RECQL4: variants seen among roughly 807,000 people sequenced by gnomAD.
RECQL4 encodes RecQ like helicase 4.
Under a neutral mutation model 128.6 loss-of-function variants are expected in RECQL4, and 158 were observed. The ratio of observed to expected loss-of-function variants is 1.23; its 90% CI spans 1.08 to 1.40. RECQL4 has a LOEUF of 1.40. Ranked by LOEUF, RECQL4 falls within the 40% of genes most tolerant of loss-of-function variation. The probability of loss-of-function intolerance (pLI) is 0.00; values close to 1 mark genes in which losing one functional copy is unlikely to be tolerated. For synonymous variants in RECQL4, 996 were observed against 678.9 expected (o/e 1.47, Z -7.26); for missense variants, 2,293 against 1,649.8 (o/e 1.39, Z -6.75).
Position 144,511,548 on chromosome 8 carries a change from G to A in RECQL4, c.3510C>T (p.Pro1170=), listed in dbSNP as rs1005731353. 6.2e-7 allele frequency: 1 copy of A among 1,612,226 alleles called. No homozygotes were observed. The highest frequency in any genetic ancestry group is 1.3e-5 in the African/African-American group (1 of 75,048). The change falls in exon 21 of 21, where the codon CCC becomes CCT. Residue 1170 remains proline, a synonymous_variant. Transcript: ENST00000617875. ...VARIFHGIGS[P]CYPAQVYGQD... Reference sequence around the variant, plus strand: ...GCCCGTACACCTGGGCCGGGTAGCAGGGGCTTCCTACGGTGGAGCCAAGAC... The same window carrying A: ...GCCCGTACACCTGGGCCGGGTAGCAAGGGCTTCCTACGGTGGAGCCAAGAC...
rs955049317 is a variant in RECQL4, at chr8:144,511,444, T to C, written c.3614A>G (p.Gln1205Arg). The change falls in exon 21 of 21, where the codon CAG becomes CGG. Residue 1205 changes from glutamine (Q) to arginine (R), a missense_variant. Coordinates refer to ENST00000617875, the MANE Select transcript of RECQL4 (RefSeq NM_004260.4). ...AATGCAGTGCAGTCAGCGGGCCACC[T>C]GCAGGAGCTCTTCCGTGGCCAGGCC... ...LVGLATEELL[Q>R]VAR is the part of the protein sequence containing the mutation. 1.2e-6 allele frequency: 2 copies of C among 1,612,448 alleles called. No individual in the cohort carries two copies. Among genetic ancestry groups the C allele is most frequent in the South Asian group, 1.1e-5 (1 of 91,084 alleles).
In RECQL4 at chr8:144,516,424, GCACCAGGACCAAGGACAGCCGACT is replaced by G. The variant is rs1423848473; in HGVS notation, c.671_694del (p.Glu224_Gly231del). ...TGAAGCCTCTGGGCCCTGGGAGCCA[GCACCAGGACCAAGGACAGCCGACT>G]CACCAGGGATCAGAAGTTGTGATTC... is the stretch of plus-strand genomic sequence containing the variant. On this transcript the variant is annotated inframe_deletion, in exon 5 of 21. Coordinates refer to ENST00000617875, the MANE Select transcript of RECQL4 (RefSeq NM_004260.4). 1 of 1,609,048 alleles carries G rather than the reference GCACCAGGACCAAGGACAGCCGACT, an allele frequency of 6.2e-7. No homozygotes were observed. The highest frequency in any genetic ancestry group is 1.7e-5 in the Admixed American group (1 of 59,942).
chr8:144,513,105 G>A lies in RECQL4; in HGVS notation c.2497C>T (p.His833Tyr), dbSNP rs2130673512. The change falls in exon 15 of 21, where the codon CAC becomes TAC. Residue 833 changes from histidine to tyrosine, a missense_variant. Physicochemically the swap from His to Tyr is moderately conservative, Grantham distance 83. Coordinates refer to ENST00000617875, the MANE Select transcript of RECQL4 (RefSeq NM_004260.4). The part of the protein sequence containing the change: ...EDLRELRRHV[H>Y]ADSTDFLAVK... ...GCCAGGAAGTCCGTGCTGTCGGCGT[G>A]CACATGTCTGCGCAGCTCTCGCAGG... The A allele has an allele frequency of 1.3e-6, 2 of 1,571,220 alleles. No individual in the cohort carries two copies. The highest frequency in any genetic ancestry group is 1.7e-6 in the Non-Finnish European group (2 of 1,156,666).
Position 144,514,282 on chromosome 8 carries a change from C to T in RECQL4, c.1785G>A (p.Gln595=), listed in dbSNP as rs1322763528. ...VGAGGLPPAA[Q]LPPVAFACID... ...TGCAGGCAAAAGCAACTGGAGGCAG[C>T]TGTGCGGCTGGAGGGAGGCCTCCCG... Residue 595 remains glutamine (Q), a synonymous_variant, in exon 11 of 21, where the codon CAG becomes CAA. Coordinates refer to ENST00000617875, the MANE Select transcript of RECQL4 (RefSeq NM_004260.4). 6.2e-7 allele frequency: 1 copy of T among 1,611,756 alleles called. No homozygotes were observed. Among genetic ancestry groups the T allele is most frequent in the Non-Finnish European group, 8.5e-7 (1 of 1,179,546 alleles).
In RECQL4 at chr8:144,515,768, C is replaced by A; in HGVS notation, c.1254G>T (p.Arg418=). The A allele has an allele frequency of 2.5e-6, 4 of 1,612,206 alleles. No homozygotes were observed. Among genetic ancestry groups the A allele is most frequent in the South Asian group, 2.2e-5 (2 of 90,930 alleles). Reference sequence around the variant, plus strand: ...CCTCCAGGGCAGATGTCTCACCTGGCCGGGGACACTGGGCTGCCCAGTGAT... The same window carrying A: ...CCTCCAGGGCAGATGTCTCACCTGGACGGGGACACTGGGCTGCCCAGTGAT... The part of the protein sequence containing the change: ...QFDHWAAQCP[R]PASEEDTDAV... The change falls in exon 6 of 21, where the codon CGG becomes CGT. Residue 418 remains arginine, a synonymous_variant. Coordinates refer to ENST00000617875, the MANE Select transcript of RECQL4 (RefSeq NM_004260.4).
chr8:144,516,811 CTACTGTA>C (rs1170445903), intron 4 of RECQL4, 47 bp from the exon 5 acceptor site: 1 of 1,494,302 alleles, frequency 6.7e-7, no homozygotes, highest in Non-Finnish European at 8.9e-7. Context: ...GGCCCCTGAG[CTACTGTA>C]GACTCTAAAA....
In RECQL4 at chr8:144,512,309, G is replaced by A. The variant is rs1459879131; in HGVS notation, c.3071C>T (p.Thr1024Ile). ...CTCACTGAACTCCACAAGCACCCCT[G>A]TCCCACGCCGCACACCTGCCGGAAA... ...HEPRTGVRRGTGVLVEFSELA... is the reference protein window; with the variant it reads ...HEPRTGVRRGIGVLVEFSELA... The change falls in exon 18 of 21, where the codon ACA (threonine) becomes ATA (isoleucine). Residue 1024 changes from threonine to isoleucine, a missense_variant. By Grantham distance (89) the Thr-to-Ile change is moderately conservative. Coordinates refer to ENST00000617875, the MANE Select transcript of RECQL4 (RefSeq NM_004260.4). The A allele has an allele frequency of 1.9e-6, 3 of 1,612,420 alleles. No individual in the cohort carries two copies. The highest frequency in any genetic ancestry group is 2.5e-6 in the Non-Finnish European group (3 of 1,179,772).
rs1043628799 is a variant in RECQL4 at position 144,511,708 on chromosome 8, C to T, written c.3475G>A (p.Ala1159Thr). ...ATGCCGTGGAAGATGCGGGCCACAG[C>T]CCTGCTGGAGAACTTCTCCTCTGGC... Reference protein sequence around the residue: ...LRPEEKFSSRAVARIFHGIGS... With the variant: ...LRPEEKFSSRTVARIFHGIGS... Residue 1159 changes from alanine (A) to threonine (T), a missense_variant, in exon 20 of 21, where the codon GCT (alanine) becomes ACT (threonine). Physicochemically the swap from Ala to Thr is moderately conservative, Grantham distance 58. Transcript: ENST00000617875. 6.2e-7 allele frequency: 1 copy of T among 1,612,542 alleles called. No individual in the cohort carries two copies. Among genetic ancestry groups the T allele is most frequent in the South Asian group, 1.1e-5 (1 of 91,088 alleles).
intron 19 of RECQL4, 44 bp from the exon 20 acceptor site, chr8:144,511,833 A>G: frequency 6.2e-7 from 1 of 1,610,370 alleles, no homozygotes; most frequent in Non-Finnish European, 8.5e-7. Context: ...CTCCCGTGGC[A>G]CTGCATCCAC....
rs34914400 is a variant in RECQL4, at chr8:144,511,703, C to T, written c.3480G>A (p.Val1160=). The T allele has an allele frequency of 2.8e-3, 4,568 of 1,612,562 alleles. 110 individuals are homozygous for T. In the African/African-American group the frequency reaches 0.052, roughly 18 times the overall value. The change falls in exon 20 of 21, where the codon GTG becomes GTA. Residue 1160 remains valine, a synonymous_variant. Transcript: ENST00000617875. ...RPEEKFSSRA[V]ARIFHGIGSP... ...CACCGATGCCGTGGAAGATGCGGGC[C>T]ACAGCCCTGCTGGAGAACTTCTCCT... is the stretch of plus-strand genomic sequence containing the variant.
chr8:144,511,443 C>T lies in RECQL4; in HGVS notation c.3615G>A (p.Gln1205=), dbSNP rs1586786914. Residue 1205 remains glutamine (Q), a synonymous_variant, in exon 21 of 21, where the codon CAG becomes CAA. Transcript: ENST00000617875. ...LVGLATEELL[Q]VAR Reference sequence around the variant, plus strand: ...CAATGCAGTGCAGTCAGCGGGCCACCTGCAGGAGCTCTTCCGTGGCCAGGC... The same window carrying T: ...CAATGCAGTGCAGTCAGCGGGCCACTTGCAGGAGCTCTTCCGTGGCCAGGC... 3 of 1,612,478 alleles carry T rather than the reference C, an allele frequency of 1.9e-6. No individual in the cohort carries two copies. Among genetic ancestry groups the T allele is most frequent in the Non-Finnish European group, 2.5e-6 (3 of 1,179,694 alleles).
chr8:144,515,023 G>A lies in RECQL4; in HGVS notation c.1533C>T (p.Cys511=), dbSNP rs764945119. 1 of 1,610,746 alleles carries A rather than the reference G, an allele frequency of 6.2e-7. No individual in the cohort carries two copies. Among genetic ancestry groups the A allele is most frequent in the Admixed American group, 1.7e-5 (1 of 59,714 alleles). ...VLPTGAGKSL[C]YQLPALLYSR... is the part of the protein sequence containing the mutation. ...TGTAGAGCAGCGCTGGGAGCTGGTA[G>A]CACAGGGACTTGCCGGCACCTGTAG... The change falls in exon 9 of 21, where the codon TGC becomes TGT. Residue 511 remains cysteine (C), a synonymous_variant. Coordinates refer to ENST00000617875, the MANE Select transcript of RECQL4 (RefSeq NM_004260.4).
Position 144,512,214 on chromosome 8 carries a change from A to G in RECQL4, c.3166T>C (p.Tyr1056His), listed in dbSNP as rs1827370250. The G allele has an allele frequency of 1.2e-6, 2 of 1,612,260 alleles. No individual in the cohort carries two copies. The highest frequency in any genetic ancestry group is 1.7e-6 in the Non-Finnish European group (2 of 1,179,714). Residue 1056 changes from tyrosine (Y) to histidine (H), a missense_variant, in exon 18 of 21, where the codon TAT becomes CAT. Tyr to His is a moderately conservative substitution (Grantham distance 83). Coordinates refer to ENST00000617875, the MANE Select transcript of RECQL4 (RefSeq NM_004260.4). Reference protein sequence around the residue: ...EEKDQICDFLYGRVQARERQA... With the variant: ...EEKDQICDFLHGRVQARERQA... ...CGCTCCCGGGCCTGCACACGGCCAT[A>G]GAGGAAGTCACATATCTGGTCCTTC...
rs756789862 is a variant in RECQL4, at chr8:144,513,209, G to T, written c.2463+9C>A. The T allele has an allele frequency of 1.4e-5, 21 of 1,518,950 alleles. No homozygotes were observed. The highest frequency in any genetic ancestry group is 4.6e-5 in the East Asian group (2 of 43,156). 94.1% of individuals were successfully genotyped at this position (1,518,950 alleles called of 1,614,324 possible). A position where few individuals can be genotyped will look rare whatever the true frequency, so the allele number is the denominator to read the frequency against. ...GAGCACTGGCAGTGTGGGGGGGGGG[G>T]GTGCCAACCTGGGGCTGCAGGAAGA... On this transcript the variant is annotated intron_variant, in intron 14 of 20. Transcript: ENST00000617875.
At position 144,517,769 on chromosome 8, in the gene RECQL4, C is replaced by T. The variant is rs1009265867; in HGVS notation, c.16G>A (p.Asp6Asn). The T allele has an allele frequency of 1.6e-5, 20 of 1,274,408 alleles. No individual in the cohort carries two copies. Among genetic ancestry groups the T allele is most frequent in the African/African-American group, 1.1e-4 (7 of 63,842 alleles). 78.9% of individuals were successfully genotyped at this position (1,274,408 alleles called of 1,614,324 possible). The change falls in exon 1 of 21, where the codon GAC becomes AAC. Residue 6 changes from aspartate to asparagine, a missense_variant. Coordinates refer to ENST00000617875, the MANE Select transcript of RECQL4 (RefSeq NM_004260.4). Reference sequence around the variant, plus strand: ...CACGCCTGCAGCCGCTCCCGCACGTCCCGCAGCCGCTCCATGGCGCGCGCG... The same window carrying T: ...CACGCCTGCAGCCGCTCCCGCACGTTCCGCAGCCGCTCCATGGCGCGCGCG... MERLR[D>N]VRERLQAWER... is the part of the protein sequence containing the mutation.
At position 144,513,142 on chromosome 8, in the gene RECQL4, C is replaced by T. The variant is rs371431265; in HGVS notation, c.2464-4G>A. 1.2e-5 allele frequency: 18 copies of T among 1,542,656 alleles called. No homozygotes were observed. Among genetic ancestry groups the T allele is most frequent in the African/African-American group, 1.5e-5 (1 of 67,664 alleles). ...GCAGCTCTCGCAGGTCTTCGCCCTG[C>T]AGGGCAACTTTCATGAGGGTGGGGT... On this transcript the variant is annotated splice_polypyrimidine_tract_variant and splice_region_variant and intron_variant, in intron 14 of 20. Transcript: ENST00000617875.
At position 144,511,764 on chromosome 8, in the gene RECQL4, C is replaced by T. The variant is rs767822615; in HGVS notation, c.3419G>A (p.Arg1140His). 38 of 1,612,434 alleles carry T rather than the reference C, an allele frequency of 2.4e-5. No individual in the cohort carries two copies. The highest frequency in any genetic ancestry group is 2.3e-4 in the African/African-American group (17 of 74,952). Reference protein sequence around the residue: ...ARLQDWEDQVRCDIRQFLSLR... With the variant: ...ARLQDWEDQVHCDIRQFLSLR... ...GGACAGGAACTGGCGGATGTCGCAGCGGACCTGGTCCTCCCAATCCTGGAG... is the reference window on the plus strand; with the variant it reads ...GGACAGGAACTGGCGGATGTCGCAGTGGACCTGGTCCTCCCAATCCTGGAG... Residue 1140 changes from arginine to histidine, a missense_variant, in exon 20 of 21, where the codon CGC becomes CAC. Coordinates refer to ENST00000617875, the MANE Select transcript of RECQL4 (RefSeq NM_004260.4).
In RECQL4 at chr8:144,513,289, A is replaced by G. The variant is rs1586802077; in HGVS notation, c.2392T>C (p.Tyr798His). Residue 798 changes from tyrosine to histidine, a missense_variant, in exon 14 of 21, where the codon TAC becomes CAC. Transcript: ENST00000617875. ...CCGGCCCGGCCCACGGCCTGCACGT[A>G]GCTCTCGAAGCTTGGGGGCAGCCCC... ...HLGLPPSFES[Y>H]VQAVGRAGRD... The G allele has an allele frequency of 6.3e-7, 1 of 1,599,094 alleles. No individual in the cohort carries two copies. The highest frequency in any genetic ancestry group is 8.5e-7 in the Non-Finnish European group (1 of 1,179,058).
rs1050860620 is a variant in RECQL4 at position 144,515,987 on chromosome 8, C to T, written c.1131+1G>A. On this transcript the variant is annotated splice_donor_variant, in intron 5 of 20. Transcript: ENST00000617875. LOFTEE classifies it high-confidence loss of function. ...CCTGTCCTGGCCCGTCGCTGTCTTACCTGCTTGCGGAGGAGCCTGCTACGG... is the reference window on the plus strand; with the variant it reads ...CCTGTCCTGGCCCGTCGCTGTCTTATCTGCTTGCGGAGGAGCCTGCTACGG... 5.6e-6 allele frequency: 9 copies of T among 1,609,758 alleles called. No homozygotes were observed. Among genetic ancestry groups the T allele is most frequent in the Non-Finnish European group, 7.6e-6 (9 of 1,177,454 alleles).
Sources: gnomAD v4.1 joint callset for allele counts on GRCh38, gnomAD v4.1.1 for gene constraint, MANE v1.5 for transcripts, NCBI Gene and HGNC (gene_info 2026-07-23, HGNC 2026-07-21) for gene names.